PCDH15: variants seen among roughly 807,000 people sequenced by gnomAD.
The protein encoded by PCDH15 is protocadherin-15.
A neutral mutation model predicts 178.5 loss-of-function variants in PCDH15; 129 were observed. That is an observed-to-expected ratio of 0.72 (90% confidence interval 0.63 to 0.84). PCDH15 has a LOEUF of 0.84. Ranked by LOEUF, PCDH15 falls within the 40% of genes least tolerant of loss-of-function variation. The pLI is 0.00. For missense variants in PCDH15, 2,230 were observed against 2,099.9 expected (o/e 1.06, Z -1.21); for synonymous variants, 800 against 732.0 (o/e 1.09, Z -1.50).
At chr10:54,954,437 C>T (rs759492316) in intron 2 of PCDH15, among the ~76,000 whole-genome samples, 3 of 151,144 alleles carry the variant, frequency 2.0e-5, no homozygotes, top group African/African-American at 4.8e-5. Context: ...GTAATTTTCT[C>T]GTATTCCCTT....
intron 8 of PCDH15, among the ~76,000 whole-genome samples, chr10:54,245,062 G>A (rs2055786251): frequency 6.6e-6 from 1 of 152,018 alleles, no homozygotes; most frequent in Admixed American, 6.6e-5. Context: ...CTTGTTAGCA[G>A]GGACTGTGTG....
At chr10:54,113,134 C>T (rs1381219672) in intron 15 of PCDH15, among the ~76,000 whole-genome samples, 1 of 152,058 alleles carries the variant, frequency 6.6e-6, no homozygotes, top group Non-Finnish European at 1.5e-5. Context: ...AAGTTTGGTC[C>T]TAGGAACTGG....
intron 2 of PCDH15, among the ~76,000 whole-genome samples, chr10:55,595,832 T>C (rs1842926038): frequency 2.0e-5 from 3 of 152,050 alleles, no homozygotes; most frequent in African/African-American, 2.4e-5. Flanking sequence ...AGATTAAATA[T>C]CAAAAATCTC....
chr10:54,034,569 CA>C (rs2093372663), intron 18 of PCDH15, among the ~76,000 whole-genome samples: 1 of 151,810 alleles, frequency 6.6e-6, no homozygotes, highest in Non-Finnish European at 1.5e-5. Context: ...ATTAGGAAAA[CA>C]GAATTAATTG....
chr10:53,919,390 G>A (rs761798396), intron 25 of PCDH15, among the ~76,000 whole-genome samples: 2 of 152,120 alleles, frequency 1.3e-5, no homozygotes, highest in Admixed American at 6.6e-5. Context: ...ACAAATATGG[G>A]AGCTCTCAAG....
chr10:55,176,994 G>A (rs551513217), intron 1 of PCDH15, among the ~76,000 whole-genome samples: 1 of 152,242 alleles, frequency 6.6e-6, no homozygotes, highest in Admixed American at 6.5e-5. Context: ...TGCCCCAACT[G>A]AGGAAATCTC....
chr10:54,377,420 T>A (rs1353120652), intron 4 of PCDH15, among the ~76,000 whole-genome samples: 1 of 152,118 alleles, frequency 6.6e-6, no homozygotes, highest in Non-Finnish European at 1.5e-5. Flanking sequence ...ATATTCAGAA[T>A]AAAAGCCCTT....
At chr10:54,296,019 C>G (rs1475306525) in intron 8 of PCDH15, among the ~76,000 whole-genome samples, 2 of 149,778 alleles carry the variant, frequency 1.3e-5, no homozygotes, top group Admixed American at 6.6e-5. Flanking sequence ...GTGGCGGGCG[C>G]CTGTGGTCCC....
At chr10:55,066,724 T>G (rs1445720677) in intron 2 of PCDH15, among the ~76,000 whole-genome samples, 1 of 150,982 alleles carries the variant, frequency 6.6e-6, no homozygotes, top group Non-Finnish European at 1.5e-5. Context: ...TTATAAATAT[T>G]GTTCCTTTCT....
chr10:55,471,265 A>G (rs958426642), intron 2 of PCDH15, among the ~76,000 whole-genome samples: 1 of 152,226 alleles, frequency 6.6e-6, no homozygotes, highest in East Asian at 1.9e-4. Flanking sequence ...TTTAATGAGT[A>G]TAAAAGTTGT....
rs141563371 is a variant in PCDH15 at position 53,950,811 on chromosome 10, A to C, written c.3122+8921T>G. On this transcript the variant is annotated intron_variant, in intron 23 of 37. Transcript: ENST00000644397. ...TCTGTAGGGTTTAAATGAAAGATAT[A>C]TAAAAGGAATTTAATGACTCTGACA... Among the ~76,000 whole-genome samples, 634 of 152,342 alleles carry C rather than the reference A, an allele frequency of 4.2e-3. 7 individuals carry two copies. Among genetic ancestry groups the C allele is most frequent in the African/African-American group, 0.015 (620 of 41,580 alleles).
intron 20 of PCDH15, among the ~76,000 whole-genome samples, chr10:54,014,238 C>T (rs76341849): frequency 0.069 from 10,564 of 152,022 alleles, 996 homozygotes; most frequent in African/African-American, 0.21. Flanking sequence ...AATCCCTAAA[C>T]AGACCAATAA....
intron 2 of PCDH15, among the ~76,000 whole-genome samples, chr10:55,421,973 A>T (rs757258301): frequency 2.0e-5 from 3 of 151,704 alleles, no homozygotes; most frequent in Non-Finnish European, 4.4e-5. Context: ...CTTTATCGAG[A>T]TATGATTCAT....
chr10:54,158,443 T>A (rs190570827), intron 13 of PCDH15, among the ~76,000 whole-genome samples: 26 of 152,210 alleles, frequency 1.7e-4, no homozygotes, highest in African/African-American at 6.0e-4. Flanking sequence ...TCCCACCAGA[T>A]CCCTCCCACA....
chr10:53,884,599 T>A (rs2133380453), intron 26 of PCDH15, among the ~76,000 whole-genome samples: 1 of 152,318 alleles, frequency 6.6e-6, no homozygotes, highest in Admixed American at 6.5e-5. Context: ...TAGCTTTCAT[T>A]AAAAATTACA....
chr10:55,597,497 A>T (rs112970099), intron 2 of PCDH15, among the ~76,000 whole-genome samples: 4 of 152,116 alleles, frequency 2.6e-5, no homozygotes, highest in African/African-American at 9.7e-5. Context: ...CCCCTCGATT[A>T]ACGTAATTTT....
chr10:53,923,796 A>C (rs1420494684), intron 25 of PCDH15, among the ~76,000 whole-genome samples: 1 of 152,192 alleles, frequency 6.6e-6, no homozygotes, highest in Non-Finnish European at 1.5e-5. Context: ...CCTTTGGCTA[A>C]CAGGTCATCA....
At chr10:54,568,064 A>G (rs1286822203) in intron 2 of PCDH15, among the ~76,000 whole-genome samples, 2 of 152,080 alleles carry the variant, frequency 1.3e-5, no homozygotes, top group East Asian at 1.9e-4. Flanking sequence ...AAGGAGATCA[A>G]TTTTGCACAC....
chr10:55,059,834 A>T (rs749309750), intron 2 of PCDH15, among the ~76,000 whole-genome samples: 1 of 152,174 alleles, frequency 6.6e-6, no homozygotes, highest in Non-Finnish European at 1.5e-5. Context: ...TTATTTAATG[A>T]TCTTGTTGAA....
Sources: gnomAD v4.1 joint callset for allele counts (sites outside exome capture counted in the v4.1 genomes callset) on GRCh38, gnomAD v4.1.1 for gene constraint, MANE v1.5 for transcripts, NCBI Gene and HGNC (gene_info 2026-07-23, HGNC 2026-07-21) for gene names.